KRT8: variants seen among roughly 807,000 people sequenced by gnomAD.
KRT8 encodes keratin 8, also known as keratin, type II cytoskeletal 8.
In KRT8, 24 loss-of-function variants were observed where a neutral mutation model predicts 43.0. The ratio of observed to expected loss-of-function variants is 0.56; its 90% CI spans 0.40 to 0.78. KRT8 has a LOEUF of 0.78. Among genes scored for constraint, KRT8 ranks in the 30% least tolerant of loss-of-function variants. The probability of loss-of-function intolerance (pLI) is 0.00; values close to 1 mark genes in which losing one functional copy is unlikely to be tolerated. For missense variants in KRT8, 492 were observed against 638.4 expected (o/e 0.77, Z 2.47); for synonymous variants, 214 against 261.2 (o/e 0.82, Z 1.74).
At chr12:52,949,795 G>A (rs1313423681) in exon 1 of KRT8, 2 of 710,670 alleles carry the variant, frequency 2.8e-6, no homozygotes, top group East Asian at 2.7e-5. Context: ...CCAGGAGAGA[G>A]GGGGAAGGGG....
chr12:52,938,170 A>ATATATATATTTTTTTT (rs1555189967), intron 2 of KRT8, among the ~76,000 whole-genome samples: 16 of 30,276 alleles, frequency 5.3e-4, no homozygotes, highest in Admixed American at 8.5e-4. Flanking sequence ...ATATATATAT[A>ATATATATATTTTTTTT]TTTTTTTTTT....
intron 1 of KRT8, chr12:52,903,458 T>A (rs7978935): frequency 0.37 from 55,680 of 152,152 alleles, 10,520 homozygotes; most frequent in Middle Eastern, 0.41. Context: ...CCCCGACCAC[T>A]GGGTTCCTGG....
chr12:52,902,301 A>T (rs1353209259), intron 1 of KRT8: 2 of 569,924 alleles, frequency 3.5e-6, no homozygotes, highest in East Asian at 6.0e-5. Context: ...GGAAGGAGAC[A>T]GGTAAGGTAA....
intron 2 of KRT8, among the ~76,000 whole-genome samples, chr12:52,921,743 C>T (rs934557953): frequency 7.2e-5 from 11 of 152,058 alleles, no homozygotes; most frequent in Non-Finnish European, 1.5e-4. Flanking sequence ...CAGAGCTGGG[C>T]ATGGGTTCAG....
At chr12:52,899,802 C>G in exon 5 of KRT8, 1 of 1,612,042 alleles carries the variant, frequency 6.2e-7, no homozygotes. Flanking sequence ...CAATCTCAGC[C>G]TGGAGCCGGC....
intron 2 of KRT8, among the ~76,000 whole-genome samples, chr12:52,937,881 T>A (rs1332043090): frequency 6.7e-6 from 1 of 149,486 alleles, no homozygotes; most frequent in Non-Finnish European, 1.5e-5. Flanking sequence ...ACACCTGTAG[T>A]CCCAGCTACT....
chr12:52,931,798 G>A (rs1942089891), intron 2 of KRT8, among the ~76,000 whole-genome samples: 1 of 152,068 alleles, frequency 6.6e-6, no homozygotes, highest in South Asian at 2.1e-4. Context: ...GAGTAGCTGG[G>A]ATTACAGGTG....
chr12:52,938,137 T>C (rs1409345787), intron 2 of KRT8, among the ~76,000 whole-genome samples: 8 of 26,074 alleles, frequency 3.1e-4, no homozygotes, highest in African/African-American at 1.1e-3. Context: ...ACTAGAAAGC[T>C]ATATATATAT....
upstream of KRT8, among the ~76,000 whole-genome samples, chr12:52,910,270 A>AC (rs889091527): frequency 2.1e-4 from 32 of 152,196 alleles, no homozygotes; most frequent in African/African-American, 7.7e-4. Flanking sequence ...CTCAGGTCGC[A>AC]CCCCGTCTGC....
chr12:52,898,551 A>G (rs375464249), intron 6 of KRT8, 32 bp from the exon 7 acceptor site: 2 of 1,613,452 alleles, frequency 1.2e-6, no homozygotes, highest in African/African-American at 2.7e-5. Context: ...GTCAGGACCA[A>G]CTCCTAGCCC....
intron 2 of KRT8, among the ~76,000 whole-genome samples, chr12:52,918,138 A>T (rs1941791507): frequency 7.0e-6 from 1 of 142,940 alleles, no homozygotes; most frequent in Non-Finnish European, 1.5e-5. Context: ...AAGGAGGGGG[A>T]GAGGGAGAGG....
chr12:52,949,604 G>T, intron 1 of KRT8: 1 of 1,609,942 alleles, frequency 6.2e-7, no homozygotes. Context: ...AGGGGTAGGA[G>T]GGACCTCAAC....
chr12:52,916,802 G>T (rs773207179), intron 2 of KRT8, among the ~76,000 whole-genome samples: 11 of 152,214 alleles, frequency 7.2e-5, no homozygotes, highest in Non-Finnish European at 1.3e-4. Context: ...TGACCATGCT[G>T]GAGCAGGGTA....
At chr12:52,926,459 A>G (rs759628262) in intron 2 of KRT8, 11 of 1,534,992 alleles carry the variant, frequency 7.2e-6, no homozygotes, top group Non-Finnish European at 8.7e-6. Context: ...TTCCGCAAAC[A>G]TTTGCTGAAT....
Position 52,926,327 on chromosome 12 carries a change from T to C in KRT8, c.-46-21300A>G, listed in dbSNP as rs1941990605. ...AGGCTTAGCCTTCCCCACCTGGCACTAGCTGCCCTCCCCACCCCACCCCCA... is the reference window on the plus strand; with the variant it reads ...AGGCTTAGCCTTCCCCACCTGGCACCAGCTGCCCTCCCCACCCCACCCCCA... On this transcript the variant is annotated intron_variant, in intron 2 of 6. Transcript: ENST00000546826. The C allele has an allele frequency of 6.6e-6, 6 of 903,814 alleles. No homozygotes were observed. In the Admixed American group the frequency reaches 1.3e-4, roughly 19 times the overall value. 56.0% of individuals were successfully genotyped at this position (903,814 alleles called of 1,614,324 possible).
chr12:52,901,318 G>GGAAAA, intron 2 of KRT8, 99 bp from the exon 3 acceptor site: 1 of 875,780 alleles, frequency 1.1e-6, no homozygotes, highest in Non-Finnish European at 2.0e-6. Context: ...GGAAAATTCA[G>GGAAAA]TTCACAGAGA....
At chr12:52,930,580 A>G (rs559596155) in intron 2 of KRT8, among the ~76,000 whole-genome samples, 1 of 150,440 alleles carries the variant, frequency 6.6e-6, no homozygotes, top group Admixed American at 6.7e-5. Context: ...CCTTTTTTTG[A>G]GACAAAGTCT....
chr12:52,897,409 G>C (rs1250486743), exon 8 of KRT8: 1 of 1,595,346 alleles, frequency 6.3e-7, no homozygotes, highest in Admixed American at 1.7e-5. Context: ...GGTAGGCTGG[G>C]AGGGGCTGCC....
At chr12:52,938,171 T>TATATATATATATATATATATATATATATA (rs1350561374) in intron 2 of KRT8, among the ~76,000 whole-genome samples, 1 of 29,796 alleles carries the variant, frequency 3.4e-5, no homozygotes, top group Non-Finnish European at 6.0e-5. Flanking sequence ...TATATATATA[T>TATATATATATATATATATATATATATATA]TTTTTTTTTT....
Sources: gnomAD v4.1 joint callset for allele counts (sites outside exome capture counted in the v4.1 genomes callset) on GRCh38, gnomAD v4.1.1 for gene constraint, MANE v1.5 for transcripts, NCBI Gene and HGNC (gene_info 2026-07-23, HGNC 2026-07-21) for gene names.